Variants in CFDP1 observed in about 807,000 individuals in gnomAD.
The protein encoded by CFDP1 is heterochromatin-stabilizing protein CFDP1.
Under a neutral mutation model 40.1 loss-of-function variants are expected in CFDP1, and 31 were observed. That is an observed-to-expected ratio of 0.77 (90% CI 0.58 to 1.04). The LOEUF is 1.04. CFDP1 is among the 50% of genes least tolerant of loss of function. The pLI is 0.00. For synonymous variants in CFDP1, 167 were observed against 120.0 expected (o/e 1.39, Z -2.56); for missense variants, 423 against 343.4 (o/e 1.23, Z -1.83).
chr16:75,356,258 TAAAC>T (rs1567655484), intron 5 of CFDP1, among the ~76,000 whole-genome samples: 5 of 151,916 alleles, frequency 3.3e-5, no homozygotes, highest in African/African-American at 7.3e-5. Context: ...AATAAACAAA[TAAAC>T]AAGTAACACT....
At chr16:75,362,722 C>T (rs571824283) in intron 5 of CFDP1, among the ~76,000 whole-genome samples, 2 of 152,086 alleles carry the variant, frequency 1.3e-5, no homozygotes, top group Non-Finnish European at 2.9e-5. Flanking sequence ...AATTGCTTTT[C>T]AATGCAACTG....
At chr16:75,329,068 C>T (rs921282719) in intron 5 of CFDP1, among the ~76,000 whole-genome samples, 4 of 152,066 alleles carry the variant, frequency 2.6e-5, no homozygotes, top group South Asian at 2.1e-4. Flanking sequence ...AGGCTGGTCT[C>T]GAACTCCTGA....
intron 5 of CFDP1, among the ~76,000 whole-genome samples, chr16:75,330,525 G>T (rs1242750110): frequency 6.6e-6 from 1 of 152,192 alleles, no homozygotes; most frequent in Non-Finnish European, 1.5e-5. Context: ...AAAGGTGCAG[G>T]TTGCAGTGAG....
At chr16:75,352,025 A>AAAG (rs1311468189) in intron 5 of CFDP1, among the ~76,000 whole-genome samples, 5 of 97,194 alleles carry the variant, frequency 5.1e-5, no homozygotes, top group Non-Finnish European at 1.2e-4. Context: ...AAAAAAAAAA[A>AAAG]AAAAAAAAGA....
At chr16:75,372,605 T>C (rs1048193923) in intron 5 of CFDP1, 1 of 152,248 alleles carries the variant, frequency 6.6e-6, no homozygotes, top group African/African-American at 2.4e-5. Flanking sequence ...TGAGTTATTC[T>C]AGCTGTACCT....
intron 5 of CFDP1, among the ~76,000 whole-genome samples, chr16:75,361,741 AC>A (rs2078680799): frequency 6.6e-6 from 1 of 152,180 alleles, no homozygotes; most frequent in Non-Finnish European, 1.5e-5. Context: ...AGGCACTTGC[AC>A]CCTCCATAAA....
chr16:75,377,615 T>C (rs1450664750), intron 5 of CFDP1, among the ~76,000 whole-genome samples: 2 of 152,212 alleles, frequency 1.3e-5, no homozygotes. Flanking sequence ...CTCCTTGTGT[T>C]CAAGTACAAT....
chr16:75,337,937 T>C (rs1269578803), intron 5 of CFDP1, among the ~76,000 whole-genome samples: 3 of 152,312 alleles, frequency 2.0e-5, no homozygotes, highest in East Asian at 3.9e-4. Context: ...GACTTCAGTA[T>C]CCACAGATGA....
At chr16:75,346,841 G>A (rs564790534) in intron 5 of CFDP1, among the ~76,000 whole-genome samples, 3 of 151,446 alleles carry the variant, frequency 2.0e-5, no homozygotes, top group African/African-American at 4.8e-5. Flanking sequence ...ATCAAAACTC[G>A]AAAATCTAGT....
chr16:75,431,539 G>A (rs1451624681), intron 1 of CFDP1, among the ~76,000 whole-genome samples: 1 of 151,742 alleles, frequency 6.6e-6, no homozygotes, highest in Non-Finnish European at 1.5e-5. Context: ...CTACTTAGGA[G>A]GCTGAGGCAG....
At chr16:75,319,326 G>GCCA (rs1171837748) in intron 5 of CFDP1, among the ~76,000 whole-genome samples, 1 of 152,162 alleles carries the variant, frequency 6.6e-6, no homozygotes, top group Admixed American at 6.5e-5. Flanking sequence ...ACAGGTGTGA[G>GCCA]CCACCACGCC....
intron 6 of CFDP1, among the ~76,000 whole-genome samples, chr16:75,300,916 G>A (rs2078217212): frequency 6.6e-6 from 1 of 152,028 alleles, no homozygotes; most frequent in East Asian, 1.9e-4. Context: ...AAGGCCCAGG[G>A]AAGGAAAAAA....
At chr16:75,385,062 TAC>T (rs2078884292) in intron 5 of CFDP1, among the ~76,000 whole-genome samples, 1 of 151,324 alleles carries the variant, frequency 6.6e-6, no homozygotes, top group African/African-American at 2.4e-5. Flanking sequence ...GTATTGCAGG[TAC>T]AGAGTAAATA....
chr16:75,409,232 G>A (rs551888259), intron 4 of CFDP1: 1 of 152,260 alleles, frequency 6.6e-6, no homozygotes, highest in East Asian at 1.9e-4. Context: ...TGAACAGCCT[G>A]TATAATTACA....
At chr16:75,428,230 T>C (rs964907309) in intron 1 of CFDP1, among the ~76,000 whole-genome samples, 1 of 152,014 alleles carries the variant, frequency 6.6e-6, no homozygotes, top group Non-Finnish European at 1.5e-5. Context: ...GAACAGTACA[T>C]TGAAAACAGT....
intron 4 of CFDP1, among the ~76,000 whole-genome samples, chr16:75,398,917 C>T (rs1388650687): frequency 6.6e-6 from 1 of 152,000 alleles, no homozygotes; most frequent in Non-Finnish European, 1.5e-5. Context: ...ATTAGCCAGG[C>T]ATGGTGGCGG....
intron 5 of CFDP1, among the ~76,000 whole-genome samples, chr16:75,325,469 C>T (rs1437835994): frequency 6.6e-6 from 1 of 152,220 alleles, no homozygotes; most frequent in Non-Finnish European, 1.5e-5. Context: ...GCTTCCTCTT[C>T]ATCCCACATA....
At chr16:75,396,704 T>C (rs2078997071) in intron 4 of CFDP1, among the ~76,000 whole-genome samples, 1 of 110,152 alleles carries the variant, frequency 9.1e-6, no homozygotes, top group Non-Finnish European at 2.1e-5. Context: ...AAAATTATCT[T>C]CACTAAAACT....
At chr16:75,383,874 T>G (rs1265836930) in intron 5 of CFDP1, among the ~76,000 whole-genome samples, 1 of 151,264 alleles carries the variant, frequency 6.6e-6, no homozygotes, top group African/African-American at 2.4e-5. Flanking sequence ...TTTATCTCAG[T>G]GTTTATAAAA....
Sources: gnomAD v4.1 joint callset for allele counts (sites outside exome capture counted in the v4.1 genomes callset) on GRCh38, gnomAD v4.1.1 for gene constraint, MANE v1.5 for transcripts, NCBI Gene and HGNC (gene_info 2026-07-23, HGNC 2026-07-21) for gene names.